Variants in HPSE2 observed in about 807,000 individuals in gnomAD.
HPSE2 encodes the protein inactive heparanase-2.
A neutral mutation model predicts 60.5 loss-of-function variants in HPSE2; 38 were observed. The ratio of observed to expected loss-of-function variants is 0.63; its 90% CI spans 0.48 to 0.82. The LOEUF is 0.82. Among genes scored for constraint, HPSE2 ranks in the 40% least tolerant of loss-of-function variants. The probability of loss-of-function intolerance (pLI) is 0.00; values close to 1 mark genes in which losing one functional copy is unlikely to be tolerated. For missense variants in HPSE2, 713 were observed against 740.4 expected (o/e 0.96, Z 0.43); for synonymous variants, 295 against 293.2 (o/e 1.01, Z -0.06).
intron 2 of HPSE2, among the ~76,000 whole-genome samples, chr10:99,151,718 G>A (rs1055240600): frequency 2.6e-5 from 4 of 152,088 alleles, no homozygotes; most frequent in South Asian, 2.1e-4. Context: ...TACAAAGGGC[G>A]AAAAGTAACA....
intron 9 of HPSE2, among the ~76,000 whole-genome samples, chr10:98,552,362 CTTAATA>C (rs1943887808): frequency 2.0e-5 from 3 of 152,024 alleles, no homozygotes. Flanking sequence ...TTTTATGACA[CTTAATA>C]TTAACGCACT....
rs754588641 is a variant in HPSE2 at position 98,994,927 on chromosome 10, T to A, written c.610+149311A>T. 5.3e-5 allele frequency among the ~76,000 whole-genome samples: 8 copies of A among 152,190 alleles called. No homozygotes were observed. In the East Asian group the frequency reaches 1.5e-3, roughly 29 times the overall value. ...GGTAGGGTGCAGCCCAGCATTAAAC[T>A]CTCAAAACAGCACCTTTGGGCCAAG... On this transcript the variant is annotated intron_variant, in intron 3 of 11. Transcript: ENST00000370552.
chr10:98,493,487 T>C (rs1250588616), intron 9 of HPSE2, among the ~76,000 whole-genome samples: 2 of 152,216 alleles, frequency 1.3e-5, no homozygotes, highest in Non-Finnish European at 2.9e-5. Flanking sequence ...TAATCAGGTG[T>C]GTAAACATAA....
At chr10:98,691,143 G>T (rs911288906) in intron 6 of HPSE2, among the ~76,000 whole-genome samples, 8 of 152,080 alleles carry the variant, frequency 5.3e-5, no homozygotes, top group African/African-American at 1.9e-4. Context: ...TAATTTTCAT[G>T]AAGTCCTCCT....
chr10:99,303,456 T>G, the HPSE2 span, among the ~76,000 whole-genome samples: 2 of 151,992 alleles, frequency 1.3e-5, no homozygotes, highest in Non-Finnish European at 2.9e-5. Context: ...CAAAGGGAAA[T>G]AATTAACCTC....
At chr10:99,201,008 G>A (rs1236698486) in intron 2 of HPSE2, among the ~76,000 whole-genome samples, 1 of 152,086 alleles carries the variant, frequency 6.6e-6, no homozygotes, top group Non-Finnish European at 1.5e-5. Context: ...GAATAAATAG[G>A]TAAAAGCAGA....
intron 3 of HPSE2, among the ~76,000 whole-genome samples, chr10:99,105,987 C>G (rs1844233128): frequency 6.6e-6 from 1 of 152,030 alleles, no homozygotes; most frequent in Non-Finnish European, 1.5e-5. Flanking sequence ...TATACAAATA[C>G]CACACTGTCT....
intron 9 of HPSE2, among the ~76,000 whole-genome samples, chr10:98,519,861 T>C (rs986893060): frequency 5.3e-5 from 8 of 152,142 alleles, no homozygotes; most frequent in Non-Finnish European, 1.2e-4. Context: ...CTGTGGAACA[T>C]TGCATTGTCC....
intron 9 of HPSE2, among the ~76,000 whole-genome samples, chr10:98,611,389 T>C (rs1589506482): frequency 6.6e-6 from 1 of 151,570 alleles, no homozygotes; most frequent in South Asian, 2.1e-4. Flanking sequence ...GGGGGAGGGG[T>C]AAAATGGGAT....
At chr10:98,716,080 C>A (rs1466765101) in intron 5 of HPSE2, among the ~76,000 whole-genome samples, 3 of 152,020 alleles carry the variant, frequency 2.0e-5, no homozygotes, top group African/African-American at 7.2e-5. Context: ...CAACACTGTT[C>A]AGAGAATCTT....
chr10:98,961,601 C>A (rs1955682867), intron 3 of HPSE2, among the ~76,000 whole-genome samples: 2 of 53,382 alleles, frequency 3.7e-5, no homozygotes, highest in South Asian at 1.2e-3. Flanking sequence ...TTGTTTTTTT[C>A]TTGTAAATTT....
intron 3 of HPSE2, among the ~76,000 whole-genome samples, chr10:98,989,959 G>T (rs1956483468): frequency 6.6e-6 from 1 of 152,028 alleles, no homozygotes; most frequent in Admixed American, 6.5e-5. Flanking sequence ...TACTCATTTT[G>T]CCTAGAGTTA....
intron 9 of HPSE2, among the ~76,000 whole-genome samples, chr10:98,581,081 T>C (rs1211226759): frequency 2.0e-5 from 3 of 151,600 alleles, no homozygotes; most frequent in Admixed American, 1.3e-4. Flanking sequence ...GCTGGGATTA[T>C]AGGTGCGTGC....
intron 9 of HPSE2, among the ~76,000 whole-genome samples, chr10:98,589,909 C>T (rs1945041604): frequency 6.6e-6 from 1 of 152,198 alleles, no homozygotes; most frequent in Non-Finnish European, 1.5e-5. Context: ...ATTTAGTCAT[C>T]CTGTCAGGAG....
At chr10:98,901,837 C>A (rs1049795140) in intron 3 of HPSE2, among the ~76,000 whole-genome samples, 2 of 152,106 alleles carry the variant, frequency 1.3e-5, no homozygotes, top group South Asian at 4.1e-4. Flanking sequence ...ATAATAATAG[C>A]ACTATGAGGA....
intron 3 of HPSE2, among the ~76,000 whole-genome samples, chr10:98,805,048 C>T (rs987412344): frequency 3.9e-5 from 6 of 152,052 alleles, no homozygotes; most frequent in African/African-American, 1.4e-4. Flanking sequence ...AGACAAACAT[C>T]GCATGTTCTT....
chr10:98,842,540 T>TAA (rs1418331894), intron 3 of HPSE2, among the ~76,000 whole-genome samples: 6 of 133,084 alleles, frequency 4.5e-5, no homozygotes, highest in Non-Finnish European at 9.4e-5. Flanking sequence ...TTAAGTGTCT[T>TAA]TAAAAAAAAA....
intron 3 of HPSE2, among the ~76,000 whole-genome samples, chr10:98,965,886 T>C (rs1589437434): frequency 1.3e-5 from 2 of 151,958 alleles, no homozygotes; most frequent in African/African-American, 4.8e-5. Context: ...TTACAGAAAG[T>C]CCTTTTTTTT....
chr10:99,100,397 T>A (rs566502427), intron 3 of HPSE2, among the ~76,000 whole-genome samples: 8 of 151,972 alleles, frequency 5.3e-5, no homozygotes, highest in Non-Finnish European at 1.2e-4. Context: ...TATCAGTGAC[T>A]GAAGATCAAA....
Sources: gnomAD v4.1 joint callset for allele counts (sites outside exome capture counted in the v4.1 genomes callset) on GRCh38, gnomAD v4.1.1 for gene constraint, MANE v1.5 for transcripts, NCBI Gene and HGNC (gene_info 2026-07-23, HGNC 2026-07-21) for gene names.